Variants in LRRC4C observed in about 807,000 individuals in gnomAD.
LRRC4C encodes leucine-rich repeat-containing protein 4C.
A neutral mutation model predicts 33.6 loss-of-function variants in LRRC4C; 5 were observed. That is an observed-to-expected ratio of 0.15 (90% CI 0.08 to 0.31). The LOEUF (loss-of-function observed/expected upper bound fraction) is 0.31. LRRC4C is among the 10% of genes least tolerant of loss of function. The pLI is 1.00. For missense variants in LRRC4C, 560 were observed against 796.7 expected (o/e 0.70, Z 3.58); for synonymous variants, 329 against 302.0 (o/e 1.09, Z -0.93).
chr11:40,815,479 A>T (rs925455796), intron 2 of LRRC4C, among the ~76,000 whole-genome samples: 3 of 152,096 alleles, frequency 2.0e-5, no homozygotes, highest in African/African-American at 4.8e-5. Context: ...ACTCCATTCC[A>T]ATTCTCTTTT....
intron 3 of LRRC4C, among the ~76,000 whole-genome samples, chr11:40,569,424 G>A (rs957964851): frequency 6.6e-6 from 1 of 152,102 alleles, no homozygotes; most frequent in Non-Finnish European, 1.5e-5. Flanking sequence ...ACCAGAGTCA[G>A]TTACTACAAC....
chr11:41,259,409 T>C (rs1475072607), intron 1 of LRRC4C, among the ~76,000 whole-genome samples: 1 of 152,046 alleles, frequency 6.6e-6, no homozygotes, highest in African/African-American at 2.4e-5. Flanking sequence ...TGGAAATGTG[T>C]ACATGGTCAG....
chr11:41,281,042 T>C (rs1466176167), intron 1 of LRRC4C, among the ~76,000 whole-genome samples: 13 of 76,220 alleles, frequency 1.7e-4, no homozygotes, highest in Middle Eastern at 0.011. Context: ...AATACATATT[T>C]TCTCTCTCTC....
At chr11:40,454,624 G>A (rs1952048891) in intron 3 of LRRC4C, among the ~76,000 whole-genome samples, 1 of 151,984 alleles carries the variant, frequency 6.6e-6, no homozygotes, top group Admixed American at 6.6e-5. Flanking sequence ...TTTTTTTTCT[G>A]ATCGTTATTT....
At chr11:40,351,977 C>T (rs1468411794) in intron 3 of LRRC4C, among the ~76,000 whole-genome samples, 2 of 151,948 alleles carry the variant, frequency 1.3e-5, no homozygotes, top group African/African-American at 4.8e-5. Context: ...ATTCATTCGG[C>T]CACTCTATGT....
chr11:40,423,700 ACT>A (rs1461904840), intron 3 of LRRC4C, among the ~76,000 whole-genome samples: 1 of 151,978 alleles, frequency 6.6e-6, no homozygotes, highest in Admixed American at 6.6e-5. Flanking sequence ...ATAGGTTTTC[ACT>A]GTTTCCCTTT....
At chr11:40,330,529 C>G (rs1946312773) in intron 3 of LRRC4C, among the ~76,000 whole-genome samples, 1 of 152,028 alleles carries the variant, frequency 6.6e-6, no homozygotes, top group African/African-American at 2.4e-5. Context: ...ATACCCAAGA[C>G]TGGGTAATTT....
chr11:40,912,809 A>C (rs1460135328), intron 2 of LRRC4C, among the ~76,000 whole-genome samples: 1 of 151,858 alleles, frequency 6.6e-6, no homozygotes, highest in Non-Finnish European at 1.5e-5. Context: ...CCCATCTCAC[A>C]TGCAGAGACA....
chr11:40,570,021 A>T lies in LRRC4C; in HGVS notation c.-270+78121T>A, dbSNP rs1957918876. 2.0e-5 allele frequency among the ~76,000 whole-genome samples: 3 copies of T among 151,940 alleles called. No individual in the cohort carries two copies. In the South Asian group the frequency reaches 6.2e-4, roughly 31 times the overall value. On this transcript the variant is annotated intron_variant, in intron 3 of 6. Coordinates refer to ENST00000528697, the MANE Select transcript of LRRC4C (RefSeq NM_001258419.2). ...GCAAAAATAATATATATTTACACAT[A>T]TGTAAATAATATGTACATATAAAAT...
At chr11:40,794,859 T>C (rs897653047) in intron 2 of LRRC4C, among the ~76,000 whole-genome samples, 2 of 152,170 alleles carry the variant, frequency 1.3e-5, no homozygotes, top group Non-Finnish European at 2.9e-5. Flanking sequence ...TATCAGCAGA[T>C]AAAGTTTGAT....
chr11:40,914,935 C>A (rs1469632605), intron 2 of LRRC4C, among the ~76,000 whole-genome samples: 1 of 152,128 alleles, frequency 6.6e-6, no homozygotes, highest in African/African-American at 2.4e-5. Flanking sequence ...TGAGTGAACT[C>A]CCATTCACAA....
intron 2 of LRRC4C, among the ~76,000 whole-genome samples, chr11:40,889,760 T>C (rs949689360): frequency 2.0e-5 from 3 of 152,212 alleles, no homozygotes; most frequent in Non-Finnish European, 4.4e-5. Flanking sequence ...TATCGTCACA[T>C]TCTGTTTAAA....
At chr11:41,409,051 T>G (rs1349012385) in intron 1 of LRRC4C, among the ~76,000 whole-genome samples, 1 of 152,106 alleles carries the variant, frequency 6.6e-6, no homozygotes, top group Non-Finnish European at 1.5e-5. Context: ...GGTCACAGAG[T>G]GACCCTGAAA....
At chr11:40,857,968 A>AGGGAAG (rs1225799369) in intron 2 of LRRC4C, among the ~76,000 whole-genome samples, 10 of 73,380 alleles carry the variant, frequency 1.4e-4, no homozygotes, top group Non-Finnish European at 2.3e-4. Flanking sequence ...GGAAAGGGAA[A>AGGGAAG]GGGAAAGGGA....
In LRRC4C at chr11:41,273,643, C is replaced by G. The variant is rs546621113; in HGVS notation, c.-496+185788G>C. On this transcript the variant is annotated intron_variant, in intron 1 of 6. Transcript: ENST00000528697. Reference sequence around the variant, plus strand: ...CAGTGAATATTCATTTTCAGTTACGCAAGACAAATTCCAGAGATCTGCTGT... The same window carrying G: ...CAGTGAATATTCATTTTCAGTTACGGAAGACAAATTCCAGAGATCTGCTGT... Among the ~76,000 whole-genome samples the G allele has an allele frequency of 3.9e-5, 6 of 152,234 alleles. No individual in the cohort carries two copies. In the East Asian group the frequency reaches 1.2e-3, roughly 29 times the overall value.
chr11:40,277,657 AG>A (rs1328598307), intron 4 of LRRC4C, among the ~76,000 whole-genome samples: 1 of 152,116 alleles, frequency 6.6e-6, no homozygotes, highest in African/African-American at 2.4e-5. Flanking sequence ...AAGGGTTCAA[AG>A]TAGAGTTTTG....
chr11:40,980,735 G>T (rs150781588), intron 1 of LRRC4C, among the ~76,000 whole-genome samples: 1 of 152,004 alleles, frequency 6.6e-6, no homozygotes, highest in African/African-American at 2.4e-5. Flanking sequence ...TCTATCAAAC[G>T]ATCATAAACA....
chr11:41,022,275 A>G (rs10742570), intron 1 of LRRC4C, among the ~76,000 whole-genome samples: 76,714 of 150,462 alleles, frequency 0.51, 20,480 homozygotes, highest in East Asian at 0.65. Flanking sequence ...ATTGGTTGAC[A>G]TTAGGTTCTG....
intron 1 of LRRC4C, among the ~76,000 whole-genome samples, chr11:41,402,792 C>T (rs529810630): frequency 1.3e-4 from 20 of 152,062 alleles, no homozygotes; most frequent in African/African-American, 4.1e-4. Flanking sequence ...GTTCATTGGT[C>T]AGGTACCATG....
Sources: gnomAD v4.1 joint callset for allele counts (sites outside exome capture counted in the v4.1 genomes callset) on GRCh38, gnomAD v4.1.1 for gene constraint, MANE v1.5 for transcripts, NCBI Gene and HGNC (gene_info 2026-07-23, HGNC 2026-07-21) for gene names.